The following PURG variants were observed in gnomAD, a reference collection of about 807,000 sequenced individuals.
PURG encodes purine-rich element-binding protein gamma.
In PURG, 3 loss-of-function variants were observed where a neutral mutation model predicts 24.3. The ratio of observed to expected loss-of-function variants is 0.12; its 90% CI spans 0.06 to 0.32. The LOEUF (loss-of-function observed/expected upper bound fraction) is 0.32. PURG is among the 10% of genes least tolerant of loss of function. The pLI is 1.00. For missense variants in PURG, 371 were observed against 439.1 expected, an observed-to-expected ratio of 0.84 and a Z score of 1.39; for synonymous variants, 180 against 173.1, an observed-to-expected ratio of 1.04 and a Z score of -0.31.
At chr8:31,025,902 C>T (rs1200109827), downstream of PURG, among the ~76,000 whole-genome samples, 1 of 151,806 alleles carries the variant, frequency 6.6e-6, no homozygotes, top group African/African-American at 2.4e-5. Context: ...TACTCATTCC[C>T]CAAATCATCC....
At chr8:31,016,599 A>C (rs1322860196) in intron 1 of PURG, among the ~76,000 whole-genome samples, 1 of 144,736 alleles carries the variant, frequency 6.9e-6, no homozygotes. Context: ...AAAAAAAAAA[A>C]AAAAAAAAAA....
intron 1 of PURG, among the ~76,000 whole-genome samples, chr8:31,023,609 T>C (rs778451285): frequency 4.3e-4 from 65 of 151,918 alleles, no homozygotes; most frequent in Non-Finnish European, 8.2e-4. Context: ...AAAACCCTTG[T>C]GTGCTGCTTC....
In PURG at chr8:31,032,612, G is replaced by C; in HGVS notation, c.171C>G (p.Ile57Met). 1 of 1,606,738 alleles carries C rather than the reference G, an allele frequency of 6.2e-7. No individual in the cohort carries two copies. Among genetic ancestry groups the C allele is most frequent in the Non-Finnish European group, 8.5e-7 (1 of 1,175,474 alleles). The change falls in exon 2 of 2, where the codon ATC becomes ATG. Residue 57 changes from isoleucine (I) to methionine (M), a missense_variant. Physicochemically the swap from Ile to Met is conservative, Grantham distance 10. This residue lies in a region of PURG where 213 missense variants were observed against 230.6 expected (regional missense o/e 0.92). Transcript: ENST00000523392. This position sits in a 1 kb window ranked among gnomAD's most constrained non-coding sequence, Gnocchi z 5.9. ...TPNQAGGAAE[I>M]QELASKRVDI... ...CCACTCGTTTGGAGGCCAGCTCCTG[G>C]ATTTCGGCTGCGCCCCCGGCCTGAT...
chr8:31,001,232 T>C (rs761064142), intron 1 of PURG, among the ~76,000 whole-genome samples: 1 of 152,226 alleles, frequency 6.6e-6, no homozygotes, highest in Non-Finnish European at 1.5e-5. Flanking sequence ...TGTATTTACC[T>C]AAAATAGCTT....
chr8:30,999,571 A>C (rs1291841435), intron 1 of PURG, among the ~76,000 whole-genome samples: 1 of 152,008 alleles, frequency 6.6e-6, no homozygotes, highest in African/African-American at 2.4e-5. Context: ...AAGCCTAGTA[A>C]GAATAATTAC....
At position 31,031,778 on chromosome 8, in the gene PURG, G is replaced by A. The variant is rs1197009602; in HGVS notation, c.1005C>T (p.Gly335=). The change falls in exon 2 of 2, where the codon GGC becomes GGT. Residue 335 remains glycine, a synonymous_variant. Coordinates refer to ENST00000523392, the MANE Select transcript of PURG (RefSeq NM_001323311.2). ...CNSHKEKRMD[G]RKASGEEQEC... is the part of the protein sequence containing the mutation. ...CTTGTTCTTCACCACTGGCCTTTCT[G>A]CCATCCATTCTCTTTTCTTTATGGC... 6 of 1,552,032 alleles carry A rather than the reference G, an allele frequency of 3.9e-6. No homozygotes were observed. The highest frequency in any genetic ancestry group is 5.2e-6 in the Non-Finnish European group (6 of 1,147,190).
intron 1 of PURG, among the ~76,000 whole-genome samples, chr8:31,008,310 T>C (rs1810695408): frequency 2.0e-5 from 3 of 152,204 alleles, no homozygotes; most frequent in Admixed American, 1.3e-4. Context: ...TAACTTTCTG[T>C]TTTTTGAGAT....
At chr8:31,010,381 G>A (rs1452570213) in intron 1 of PURG, among the ~76,000 whole-genome samples, 2 of 152,110 alleles carry the variant, frequency 1.3e-5, no homozygotes, top group East Asian at 1.9e-4. Context: ...GGCTGAGGTC[G>A]GCAAGCAGCT....
intron 1 of PURG, among the ~76,000 whole-genome samples, chr8:31,002,394 G>A (rs1810555693): frequency 6.6e-6 from 1 of 152,114 alleles, no homozygotes; most frequent in South Asian, 2.1e-4. Flanking sequence ...AAAGTTTGAT[G>A]TGTTGGAACT....
chr8:31,022,558 T>G (rs1811017244), intron 1 of PURG, among the ~76,000 whole-genome samples: 2 of 152,210 alleles, frequency 1.3e-5, no homozygotes, highest in African/African-American at 2.4e-5. Flanking sequence ...AATTGTCTTC[T>G]GAACAAATAA....
chr8:31,002,041 C>T (rs1344543160), intron 1 of PURG, among the ~76,000 whole-genome samples: 1 of 152,146 alleles, frequency 6.6e-6, no homozygotes, highest in African/African-American at 2.4e-5. Flanking sequence ...TAAGCTAATT[C>T]AGGCATAATG....
At chr8:31,010,600 T>C (rs899949901) in intron 1 of PURG, among the ~76,000 whole-genome samples, 10 of 152,222 alleles carry the variant, frequency 6.6e-5, no homozygotes, top group African/African-American at 2.4e-4. Flanking sequence ...TAAATTTCTA[T>C]GTTATTATTA....
chr8:30,997,356 G>C lies in PURG; in HGVS notation c.865-659C>G, dbSNP rs142498750. ...ACAAAATACTCAATAGGTCTACATT[G>C]AAGATTGTTCATGCCATGACATTAA... On this transcript the variant is annotated intron_variant, in intron 1 of 1. Coordinates refer to the PURG transcript ENST00000339382. 1.6e-3 allele frequency among the ~76,000 whole-genome samples: 238 copies of C among 151,812 alleles called. 2 individuals carry two copies. Among genetic ancestry groups the C allele is most frequent in the African/African-American group, 5.4e-3 (222 of 41,486 alleles).
rs555866342 is a variant in PURG, at chr8:31,004,206, T to A, written c.865-7509A>T. Reference sequence around the variant, plus strand: ...AATGCAATCTGGATGCTGCTCTTACTGTATCTACTCTTGTTTCATTTATAT... The same window carrying A: ...AATGCAATCTGGATGCTGCTCTTACAGTATCTACTCTTGTTTCATTTATAT... On this transcript the variant is annotated intron_variant, in intron 1 of 1. Coordinates refer to the PURG transcript ENST00000339382. 4.6e-5 allele frequency among the ~76,000 whole-genome samples: 7 copies of A among 152,346 alleles called. No individual in the cohort carries two copies. In the East Asian group the frequency reaches 1.2e-3, roughly 25 times the overall value.
Position 31,032,957 on chromosome 8 carries a change from C to G in PURG, c.-7+121G>C. ...CAGCCACTGCCGGCCGGTTGGCGGC[C>G]GCCGCTCCGGCTCTGCCCGCGCTCC... On this transcript the variant is annotated intron_variant, in intron 1 of 1. Coordinates refer to ENST00000523392, the MANE Select transcript of PURG (RefSeq NM_001323311.2). The surrounding 1 kb of genome is among the most constrained non-coding windows in gnomAD (Gnocchi z 5.9). 1 of 241,294 alleles carries G rather than the reference C, an allele frequency of 4.1e-6. No homozygotes were observed. Among genetic ancestry groups the G allele is most frequent in the Non-Finnish European group, 6.8e-6 (1 of 147,204 alleles). The allele number at this position is 241,294 out of a possible 1,614,324, so 14.9% of individuals were successfully genotyped here. A position where few individuals can be genotyped will look rare whatever the true frequency, so the allele number is the denominator to read the frequency against.
intron 1 of PURG, among the ~76,000 whole-genome samples, chr8:31,013,680 T>C (rs893758295): frequency 9.9e-5 from 15 of 152,198 alleles, no homozygotes; most frequent in Admixed American, 3.3e-4. Flanking sequence ...GAGGTTGCAG[T>C]GAGCCGAGGT....
At chr8:31,019,207 G>T (rs1810941238) in intron 1 of PURG, among the ~76,000 whole-genome samples, 1 of 109,484 alleles carries the variant, frequency 9.1e-6, no homozygotes, top group Admixed American at 1.1e-4. Context: ...CTTTAATTTT[G>T]ATCAACATAT....
At chr8:31,018,313 A>C in intron 1 of PURG, among the ~76,000 whole-genome samples, 1 of 152,254 alleles carries the variant, frequency 6.6e-6, no homozygotes, top group Non-Finnish European at 1.5e-5. Context: ...TATTTCCAAT[A>C]AATTCTGAAT....
At chr8:31,007,778 T>C (rs1052057866) in intron 1 of PURG, among the ~76,000 whole-genome samples, 3 of 152,194 alleles carry the variant, frequency 2.0e-5, no homozygotes, top group Admixed American at 2.0e-4. Flanking sequence ...ATGTAATACT[T>C]TTAGCGCTGC....
Sources: allele counts gnomAD v4.1 joint callset (sites outside exome capture counted in the v4.1 genomes callset), GRCh38; gene constraint gnomAD v4.1.1; regional missense constraint gnomAD v4.1.1; non-coding constraint Gnocchi (gnomAD v3.1); transcripts MANE v1.5; gene names NCBI Gene and HGNC (gene_info 2026-07-23, HGNC 2026-07-21).